Variants in DHRS7B observed in about 807,000 individuals in gnomAD.
DHRS7B encodes the protein peroxisomal reductase activating PPAR-gamma.
A neutral mutation model predicts 26.4 loss-of-function variants in DHRS7B; 24 were observed. That is an observed-to-expected ratio of 0.91 (90% CI 0.66 to 1.28). DHRS7B has a LOEUF of 1.28. Among genes scored for constraint, DHRS7B ranks in the 50% most tolerant of loss-of-function variants. The probability of loss-of-function intolerance (pLI) is 0.00; values close to 1 mark genes in which losing one functional copy is unlikely to be tolerated. For synonymous variants in DHRS7B, 142 were observed against 166.4 expected (o/e 0.85, Z 1.13); for missense variants, 368 against 419.4 (o/e 0.88, Z 1.07).
chr17:21,179,762 C>CTTTTTTTTTTTTTTTTT (rs55928399), intron 3 of DHRS7B, among the ~76,000 whole-genome samples: 1 of 137,606 alleles, frequency 7.3e-6, no homozygotes. Context: ...TTTTCACTTT[C>CTTTTTTTTTTTTTTTTT]TTTTTTTTTT....
intron 1 of DHRS7B, among the ~76,000 whole-genome samples, chr17:21,135,471 T>C (rs1973321432): frequency 6.6e-6 from 1 of 152,178 alleles, no homozygotes. Flanking sequence ...CAAAATAGGA[T>C]CACAGGTCTT....
intron 1 of DHRS7B, among the ~76,000 whole-genome samples, chr17:21,162,356 T>C (rs1184929308): frequency 1.3e-5 from 2 of 152,234 alleles, no homozygotes; most frequent in African/African-American, 4.8e-5. Flanking sequence ...TAAAATGGAC[T>C]GTGAGAACAT....
chr17:21,162,785 C>A (rs1974026129), intron 1 of DHRS7B, among the ~76,000 whole-genome samples: 1 of 152,148 alleles, frequency 6.6e-6, no homozygotes, highest in Non-Finnish European at 1.5e-5. Flanking sequence ...TCTAGAGACC[C>A]AATTTTTCTT....
At chr17:21,169,443 C>T (rs1054661593) in intron 1 of DHRS7B, among the ~76,000 whole-genome samples, 2 of 152,092 alleles carry the variant, frequency 1.3e-5, no homozygotes, top group African/African-American at 4.8e-5. Context: ...TCATAACAAA[C>T]CCAGGAGGGA....
At chr17:21,131,491 A>G (rs924954074) in intron 1 of DHRS7B, among the ~76,000 whole-genome samples, 10 of 152,236 alleles carry the variant, frequency 6.6e-5, no homozygotes, top group Non-Finnish European at 1.5e-4. Flanking sequence ...ACCAGAGGTC[A>G]CTTTCATTGC....
At chr17:21,149,917 A>G (rs1227852226) in intron 1 of DHRS7B, among the ~76,000 whole-genome samples, 1 of 152,154 alleles carries the variant, frequency 6.6e-6, no homozygotes, top group African/African-American at 2.4e-5. Flanking sequence ...GTTCTTATCA[A>G]TAATAACACT....
At position 21,136,460 on chromosome 17, in the gene DHRS7B, C is replaced by T. The variant is rs980739113; in HGVS notation, c.20+9469C>T. Among the ~76,000 whole-genome samples, 6 of 151,430 alleles carry T rather than the reference C, an allele frequency of 4.0e-5. 1 individual carries two copies. The highest frequency in any genetic ancestry group is 4.2e-4 in the South Asian group (2 of 4,800). On this transcript the variant is annotated intron_variant, in intron 1 of 6. Transcript: ENST00000395511. The stretch of plus-strand genomic sequence containing the variant: ...CTGGGAGGTGGAGGTTGTGGTGAGC[C>T]GAGATCACACCTTTGCACTCCAGCC...
At chr17:21,150,736 CAT>C (rs1189395375) in intron 1 of DHRS7B, among the ~76,000 whole-genome samples, 1 of 152,180 alleles carries the variant, frequency 6.6e-6, no homozygotes, top group Non-Finnish European at 1.5e-5. Flanking sequence ...TAATAAACCA[CAT>C]ATTTATTATT....
chr17:21,152,729 T>C (rs1051260234), intron 1 of DHRS7B, among the ~76,000 whole-genome samples: 5 of 152,230 alleles, frequency 3.3e-5, no homozygotes, highest in African/African-American at 1.2e-4. Flanking sequence ...TAACTTACTT[T>C]GGGGAAGGGT....
intron 1 of DHRS7B, among the ~76,000 whole-genome samples, chr17:21,129,053 C>G (rs1973169612): frequency 6.6e-6 from 1 of 152,126 alleles, no homozygotes; most frequent in African/African-American, 2.4e-5. Flanking sequence ...TTACAGTGTA[C>G]CAGCATTGTG....
intron 1 of DHRS7B, among the ~76,000 whole-genome samples, chr17:21,155,364 T>C (rs1973857314): frequency 6.6e-6 from 1 of 152,192 alleles, no homozygotes; most frequent in Non-Finnish European, 1.5e-5. Flanking sequence ...CAGAGTAGAC[T>C]ACAGAGCAAG....
chr17:21,183,349 A>G (rs1261253507), intron 3 of DHRS7B, among the ~76,000 whole-genome samples: 1 of 152,052 alleles, frequency 6.6e-6, no homozygotes. Context: ...TGATCTTTTC[A>G]AAGAACCAAC....
At chr17:21,155,570 T>G (rs565600672) in intron 1 of DHRS7B, among the ~76,000 whole-genome samples, 4 of 152,192 alleles carry the variant, frequency 2.6e-5, no homozygotes, top group Admixed American at 2.6e-4. Flanking sequence ...AAAGACAGAT[T>G]TGGCATGCAG....
chr17:21,131,291 G>A (rs1423582139), intron 1 of DHRS7B, among the ~76,000 whole-genome samples: 3 of 152,218 alleles, frequency 2.0e-5, no homozygotes, highest in South Asian at 2.1e-4. Context: ...CTAAAGAAGG[G>A]GTGGATTATT....
intron 1 of DHRS7B, among the ~76,000 whole-genome samples, chr17:21,156,676 G>T (rs976310757): frequency 6.6e-6 from 1 of 151,966 alleles, no homozygotes; most frequent in African/African-American, 2.4e-5. Flanking sequence ...ACTTTAGGAG[G>T]CCAAGGCAGG....
Position 21,178,229 on chromosome 17 carries a change from T to G in DHRS7B, c.200-4T>G, listed in dbSNP as rs1249927933. Reference sequence around the variant, plus strand: ...GCTGTCAAGGCTCTTTTCTCTTCCCTTAGAATGTGCAAAAGTCTTCTATGC... The same window carrying G: ...GCTGTCAAGGCTCTTTTCTCTTCCCGTAGAATGTGCAAAAGTCTTCTATGC... On this transcript the variant is annotated splice_region_variant and splice_polypyrimidine_tract_variant and intron_variant, in intron 2 of 6. Transcript: ENST00000395511. The G allele has an allele frequency of 6.2e-7, 1 of 1,614,046 alleles. No individual in the cohort carries two copies. Among genetic ancestry groups the G allele is most frequent in the Non-Finnish European group, 8.5e-7 (1 of 1,179,874 alleles).
At chr17:21,147,792 C>A (rs1423975176) in intron 1 of DHRS7B, among the ~76,000 whole-genome samples, 1 of 152,216 alleles carries the variant, frequency 6.6e-6, no homozygotes, top group Non-Finnish European at 1.5e-5. Context: ...GCAGGTCTGC[C>A]ATCCCCAGCC....
intron 3 of DHRS7B, among the ~76,000 whole-genome samples, chr17:21,182,244 CT>C (rs1364443556): frequency 1.3e-5 from 2 of 151,846 alleles, no homozygotes; most frequent in Admixed American, 1.3e-4. Context: ...GTTCAATTTT[CT>C]TTTTTTTCTT....
At chr17:21,168,158 C>T (rs1974154947) in intron 1 of DHRS7B, among the ~76,000 whole-genome samples, 1 of 152,192 alleles carries the variant, frequency 6.6e-6, no homozygotes. Flanking sequence ...GCAGTGTGGC[C>T]ACATGCCCTG....
Sources: allele counts gnomAD v4.1 joint callset (sites outside exome capture counted in the v4.1 genomes callset), GRCh38; gene constraint gnomAD v4.1.1; transcripts MANE v1.5; gene names NCBI Gene and HGNC (gene_info 2026-07-23, HGNC 2026-07-21).